The following NSD1 variants were observed in gnomAD, a reference collection of about 807,000 sequenced individuals.
NSD1 encodes nuclear receptor binding SET domain protein 1.
In NSD1, 26 loss-of-function variants were observed where a neutral mutation model predicts 242.7. That is an observed-to-expected ratio of 0.11 (90% CI 0.08 to 0.15). The LOEUF (loss-of-function observed/expected upper bound fraction) is 0.15. NSD1 is among the 10% of genes least tolerant of loss of function. The pLI is 1.00. For missense variants in NSD1, 2,495 were observed against 3,272.8 expected, an observed-to-expected ratio of 0.76 and a Z score of 5.80; for synonymous variants, 1,106 against 1,178.1, an observed-to-expected ratio of 0.94 and a Z score of 1.25.
chr5:177,135,904 A>G lies in NSD1; in HGVS notation c.801A>G (p.Ile267Met). ...PFSLGDTNIT[I>M]EEQLNSINLS... ...CACTAGGAGACACAAACATTACAAT[A>G]GAAGAGCAATTAAACTCAATAAATT... The change falls in exon 2 of 23, where the codon ATA becomes ATG. Residue 267 changes from isoleucine (I) to methionine (M), a missense_variant. Transcript: ENST00000439151. The G allele has an allele frequency of 6.2e-7, 1 of 1,612,308 alleles. No homozygotes were observed. Among genetic ancestry groups the G allele is most frequent in the Non-Finnish European group, 8.5e-7 (1 of 1,178,440 alleles).
At chr5:177,270,226 G>A (rs1757841866) in intron 16 of NSD1, among the ~76,000 whole-genome samples, 1 of 152,050 alleles carries the variant, frequency 6.6e-6, no homozygotes, top group African/African-American at 2.4e-5. Flanking sequence ...ACCAGATATT[G>A]TAGAACAAAC....
intron 2 of NSD1, among the ~76,000 whole-genome samples, chr5:177,158,998 TTATATA>T (rs10564918): frequency 0.012 from 1,458 of 122,590 alleles, 64 homozygotes; most frequent in African/African-American, 0.05. Flanking sequence ...ATGAATGATT[TTATATA>T]TATATATATA....
At chr5:177,289,095 G>A (rs1267049480) in intron 21 of NSD1, among the ~76,000 whole-genome samples, 170 bp downstream of exon 21, 1 of 152,084 alleles carries the variant, frequency 6.6e-6, no homozygotes, top group East Asian at 1.9e-4. Flanking sequence ...TGAGGTGGGC[G>A]GATCACCTGA....
chr5:177,164,944 A>AT (rs747871790), intron 2 of NSD1, among the ~76,000 whole-genome samples: 158 of 149,914 alleles, frequency 1.1e-3, no homozygotes, highest in Middle Eastern at 3.4e-3. Context: ...ACTCTGTCTC[A>AT]TTAAAAAAAA....
chr5:177,188,419 G>T (rs914906732), intron 2 of NSD1, among the ~76,000 whole-genome samples: 1 of 152,114 alleles, frequency 6.6e-6, no homozygotes, highest in Non-Finnish European at 1.5e-5. Flanking sequence ...CAGTGGGTTT[G>T]CATATGTTAT....
At chr5:177,237,531 CTTTTTT>C (rs35657331) in intron 6 of NSD1, among the ~76,000 whole-genome samples, 1 of 123,154 alleles carries the variant, frequency 8.1e-6, no homozygotes, top group Non-Finnish European at 1.7e-5. Context: ...ATTATTTTAT[CTTTTTT>C]TTTTTTTTTT....
chr5:177,261,236 A>ATTTTTTTTTTTTTTTTTTTTTTTT (rs10652091), intron 14 of NSD1, among the ~76,000 whole-genome samples: 3 of 74,754 alleles, frequency 4.0e-5, no homozygotes, highest in African/African-American at 9.3e-5. Context: ...TGCCCCACTA[A>ATTTTTTTTTTTTTTTTTTTTTTTT]TTTTTTTTTT....
At chr5:177,198,858 A>G (rs755458244) in intron 3 of NSD1, among the ~76,000 whole-genome samples, 1 of 152,186 alleles carries the variant, frequency 6.6e-6, no homozygotes, top group African/African-American at 2.4e-5. Flanking sequence ...TTGAAAATAT[A>G]TTCATCACCC....
At chr5:177,280,516 G>T in intron 17 of NSD1, 49 bp from the exon 18 acceptor site, 1 of 1,613,590 alleles carries the variant, frequency 6.2e-7, no homozygotes, top group Non-Finnish European at 8.5e-7. Flanking sequence ...GACGTGAATT[G>T]TCTTCTGCTG....
intron 2 of NSD1, among the ~76,000 whole-genome samples, chr5:177,158,967 C>A (rs576952570): frequency 7.5e-6 from 1 of 133,280 alleles, no homozygotes; most frequent in South Asian, 2.1e-4. Context: ...TATATACACA[C>A]ACATATATAC....
In NSD1 at chr5:177,204,142, G is replaced by C. The variant is rs1254350461; in HGVS notation, c.1086G>C (p.Arg362=). Residue 362 remains arginine, a synonymous_variant, in exon 4 of 23, where the codon CGG becomes CGC. Coordinates refer to ENST00000439151, the MANE Select transcript of NSD1 (RefSeq NM_022455.5). Reference sequence around the variant, plus strand: ...TAGTTTCCAACCGGAGGCCCTATCGGCAGTACTACGTGGAGGCTTTTGGAG... The same window carrying C: ...TAGTTTCCAACCGGAGGCCCTATCGCCAGTACTACGTGGAGGCTTTTGGAG... ...KMKVSNRRPY[R]QYYVEAFGDP... The C allele has an allele frequency of 1.2e-6, 2 of 1,614,066 alleles. No individual in the cohort carries two copies. Among genetic ancestry groups the C allele is most frequent in the Admixed American group, 3.3e-5 (2 of 60,012 alleles).
chr5:177,210,477 A>G lies in NSD1; in HGVS notation c.2078A>G (p.Asn693Ser), dbSNP rs573759143. 1.1e-5 allele frequency: 17 copies of G among 1,614,172 alleles called. No homozygotes were observed. In the East Asian group the frequency reaches 3.3e-4, roughly 32 times the overall value. Residue 693 changes from asparagine (N) to serine (S), a missense_variant, in exon 5 of 23, where the codon AAC (asparagine) becomes AGC (serine). By Grantham distance (46) the Asn-to-Ser change is conservative. Transcript: ENST00000439151. ...AAGTATTCTAGGTTTGCTGCCACAA[A>G]CACTAGGGTAAAAGCAAAACAGAAG... Reference protein sequence around the residue: ...KIKYSRFAATNTRVKAKQKPL... With the variant: ...KIKYSRFAATSTRVKAKQKPL...
intron 5 of NSD1, among the ~76,000 whole-genome samples, chr5:177,223,651 TTA>T (rs1278208874): frequency 6.6e-6 from 1 of 152,194 alleles, no homozygotes; most frequent in African/African-American, 2.4e-5. Context: ...CTTTGCATCC[TTA>T]TTGATAGTCA....
At chr5:177,180,979 C>G (rs2149808203) in intron 2 of NSD1, among the ~76,000 whole-genome samples, 1 of 151,768 alleles carries the variant, frequency 6.6e-6, no homozygotes, top group African/African-American at 2.4e-5. Context: ...CCGTGCCCGG[C>G]TGATGATGAT....
intron 3 of NSD1, among the ~76,000 whole-genome samples, chr5:177,199,864 G>A (rs28519587): frequency 0.04 from 6,069 of 151,628 alleles, 377 homozygotes; most frequent in African/African-American, 0.14. Context: ...CAAAGTGCTG[G>A]GATTACAGGA....
chr5:177,296,802 G>C lies in NSD1; in HGVS notation c.*1343G>C, dbSNP rs995035754. On this transcript the variant is annotated 3_prime_UTR_variant, in exon 23 of 23. Coordinates refer to ENST00000439151, the MANE Select transcript of NSD1 (RefSeq NM_022455.5). Reference sequence around the variant, plus strand: ...GCTACCCTGCCCTACCATTCACCCAGCTCACAGACTGCCAACAGGAAGTGC... The same window carrying C: ...GCTACCCTGCCCTACCATTCACCCACCTCACAGACTGCCAACAGGAAGTGC... The C allele has an allele frequency of 8.6e-6, 2 of 233,224 alleles. No homozygotes were observed. Among genetic ancestry groups the C allele is most frequent in the African/African-American group, 4.4e-5 (2 of 45,346 alleles). The allele number at this position is 233,224 out of a possible 1,614,324, so 14.4% of individuals were successfully genotyped here.
At position 177,154,728 on chromosome 5, in the gene NSD1, C is replaced by G. The variant is rs999192485; in HGVS notation, c.927+18698C>G. ...TTATTATTTTTGAGACAGAGTCTCC[C>G]TCTGTCGCCCCAGCTGGAATGCAAT... On this transcript the variant is annotated intron_variant, in intron 2 of 22. Transcript: ENST00000439151. 2.0e-5 allele frequency among the ~76,000 whole-genome samples: 3 copies of G among 152,156 alleles called. No homozygotes were observed. The East Asian group carries it at 5.8e-4, about 29-fold the overall frequency.
Position 177,210,759 on chromosome 5 carries a change from T to A in NSD1, c.2360T>A (p.Phe787Tyr). 6.2e-7 allele frequency: 1 copy of A among 1,614,074 alleles called. No individual in the cohort carries two copies. Among genetic ancestry groups the A allele is most frequent in the Non-Finnish European group, 8.5e-7 (1 of 1,180,012 alleles). Reference sequence around the variant, plus strand: ...CATTCGAAAAGCAAACAGCCCAAGTTCCGAAGTATAAAGTGCAAACACAAA... The same window carrying A: ...CATTCGAAAAGCAAACAGCCCAAGTACCGAAGTATAAAGTGCAAACACAAA... Reference protein sequence around the residue: ...LLHSKSKQPKFRSIKCKHKEN... With the variant: ...LLHSKSKQPKYRSIKCKHKEN... Residue 787 changes from phenylalanine (F) to tyrosine (Y), a missense_variant, in exon 5 of 23, where the codon TTC (phenylalanine) becomes TAC (tyrosine). This residue lies in a region of NSD1 where 515 missense variants were observed against 467.0 expected (regional missense o/e 1.10). Transcript: ENST00000439151.
At chr5:177,155,962 C>T (rs1381331577) in intron 2 of NSD1, among the ~76,000 whole-genome samples, 1 of 151,960 alleles carries the variant, frequency 6.6e-6, no homozygotes, top group Non-Finnish European at 1.5e-5. Flanking sequence ...GACTCAGCCT[C>T]CCAAAGTGCT....
Sources: gnomAD v4.1 joint callset for allele counts (sites outside exome capture counted in the v4.1 genomes callset) on GRCh38, gnomAD v4.1.1 for gene constraint, gnomAD v4.1.1 regional missense constraint, MANE v1.5 for transcripts, NCBI Gene and HGNC (gene_info 2026-07-23, HGNC 2026-07-21) for gene names.